The following POLN variants were observed in gnomAD, a reference collection of about 807,000 sequenced individuals.
POLN encodes the protein DNA polymerase N.
Under a neutral mutation model 113.5 loss-of-function variants are expected in POLN, and 108 were observed. The observed-to-expected ratio is 0.95, with a 90% CI of 0.81 to 1.12. The LOEUF (loss-of-function observed/expected upper bound fraction) is 1.12. Among genes scored for constraint, POLN ranks in the 50% most tolerant of loss-of-function variants. The pLI is 0.00. For synonymous variants in POLN, 386 were observed against 391.5 expected (o/e 0.99, Z 0.17); for missense variants, 1,097 against 1,077.1 (o/e 1.02, Z -0.26).
intron 2 of POLN, among the ~76,000 whole-genome samples, chr4:2,233,679 C>T (rs769416272): frequency 7.2e-5 from 11 of 152,060 alleles, no homozygotes; most frequent in Admixed American, 5.9e-4. Flanking sequence ...TTAACATATG[C>T]CCAAGAGTGG....
At chr4:2,087,494 G>C (rs1730576261) in intron 20 of POLN, among the ~76,000 whole-genome samples, 1 of 152,170 alleles carries the variant, frequency 6.6e-6, no homozygotes, top group Admixed American at 6.5e-5. Context: ...CCAATCTGCT[G>C]TTAAGCCCAT....
chr4:2,091,883 C>T (rs1196250738), intron 20 of POLN, among the ~76,000 whole-genome samples: 1 of 152,188 alleles, frequency 6.6e-6, no homozygotes, highest in Non-Finnish European at 1.5e-5. Flanking sequence ...CTGCCCCACA[C>T]ATATTGCTAA....
In POLN at chr4:2,075,501, A is replaced by G; in HGVS notation, c.2406T>C (p.His802=). 6.2e-7 allele frequency: 1 copy of G among 1,613,426 alleles called. No homozygotes were observed. Among genetic ancestry groups the G allele is most frequent in the Non-Finnish European group, 8.5e-7 (1 of 1,180,002 alleles). The change falls in exon 24 of 26, where the codon CAT becomes CAC. Residue 802 remains histidine (H), a synonymous_variant. Coordinates refer to ENST00000511885, the MANE Select transcript of POLN (RefSeq NM_181808.4). ...TLTARLVAQI[H]DELLFEVEDP... ...CTTCCACTTCAAACAGCAGCTCATC[A>G]TGGATCTGGGCCACCAGCCTGGCAG...
intron 19 of POLN, among the ~76,000 whole-genome samples, chr4:2,121,118 G>A (rs955450873): frequency 6.6e-6 from 1 of 152,032 alleles, no homozygotes; most frequent in Non-Finnish European, 1.5e-5. Flanking sequence ...ATCTTAGGGG[G>A]AAGGCATTCT....
intron 2 of POLN, among the ~76,000 whole-genome samples, chr4:2,233,039 C>T (rs1315503815): frequency 3.3e-5 from 5 of 152,094 alleles, no homozygotes; most frequent in African/African-American, 4.8e-5. Flanking sequence ...CGTTTTGATA[C>T]GCTCCCTGAT....
At chr4:2,140,871 C>CT (rs780230484) in intron 16 of POLN, 1 of 152,340 alleles carries the variant, frequency 6.6e-6, no homozygotes, top group Non-Finnish European at 1.5e-5. Context: ...CACCCCCCTC[C>CT]TTTAAGCCAA....
intron 10 of POLN, 76 bp from the exon 11 acceptor site, chr4:2,174,095 C>A: frequency 7.2e-7 from 1 of 1,380,382 alleles, no homozygotes. Context: ...TGCTTCGCTC[C>A]CTGATGAGGA....
In POLN at chr4:2,157,849, G is replaced by T. The variant is rs1228011631; in HGVS notation, c.1665+9C>A. 6.3e-7 allele frequency: 1 copy of T among 1,593,768 alleles called. No individual in the cohort carries two copies. The highest frequency in any genetic ancestry group is 2.2e-5 in the East Asian group (1 of 44,540). ...CCTAATCACAGTATCTTTTTGTAAA[G>T]CTTGTTACCTTTTTCATGCAAGCTA... On this transcript the variant is annotated intron_variant, in intron 15 of 25. Transcript: ENST00000511885.
At chr4:2,228,974 T>C (rs1430070526) in intron 3 of POLN, 125 bp downstream of exon 3, 3 of 880,920 alleles carry the variant, frequency 3.4e-6, no homozygotes, top group African/African-American at 3.5e-5. Flanking sequence ...CTGCACTGAA[T>C]GAGTGTAAAA....
chr4:2,207,474 T>G (rs908206024), intron 5 of POLN, among the ~76,000 whole-genome samples: 17 of 151,946 alleles, frequency 1.1e-4, no homozygotes, highest in African/African-American at 3.9e-4. Flanking sequence ...TGACAGAAAT[T>G]GGGAGACGTA....
chr4:2,203,614 A>G (rs1393900701), intron 5 of POLN, among the ~76,000 whole-genome samples: 2 of 151,794 alleles, frequency 1.3e-5, no homozygotes, highest in African/African-American at 4.8e-5. Flanking sequence ...CTGAACAACA[A>G]TAGTGACACA....
At chr4:2,114,161 A>C (rs886180944) in intron 19 of POLN, among the ~76,000 whole-genome samples, 2 of 152,112 alleles carry the variant, frequency 1.3e-5, no homozygotes, top group Admixed American at 1.3e-4. Context: ...AGCCTCTGAA[A>C]GTGCTGGGAT....
At chr4:2,081,825 G>T in intron 21 of POLN, 82 bp from the exon 22 acceptor site, 1 of 1,177,604 alleles carries the variant, frequency 8.5e-7, no homozygotes, top group Non-Finnish European at 1.3e-6. Flanking sequence ...AGGTCCAGAG[G>T]CCACAGAGGG....
intron 7 of POLN, among the ~76,000 whole-genome samples, chr4:2,186,594 T>C (rs752990268): frequency 6.6e-6 from 1 of 152,134 alleles, no homozygotes; most frequent in Non-Finnish European, 1.5e-5. Context: ...CAAAAAGATA[T>C]TTAACAGGTA....
intron 19 of POLN, among the ~76,000 whole-genome samples, chr4:2,110,392 A>G (rs1424178236): frequency 6.6e-6 from 1 of 152,210 alleles, no homozygotes; most frequent in Non-Finnish European, 1.5e-5. Context: ...CTAAGATCAG[A>G]GCAGAACTGA....
chr4:2,213,317 A>G (rs1286537719), intron 3 of POLN, among the ~76,000 whole-genome samples, 191 bp from the exon 4 acceptor site: 1 of 152,236 alleles, frequency 6.6e-6, no homozygotes, highest in Non-Finnish European at 1.5e-5. Flanking sequence ...TATGTAAAGT[A>G]CCTTCAAGTT....
At chr4:2,087,267 A>G (rs1007919880) in intron 20 of POLN, among the ~76,000 whole-genome samples, 6 of 152,358 alleles carry the variant, frequency 3.9e-5, no homozygotes, top group South Asian at 2.1e-4. Flanking sequence ...ATTCACAAAT[A>G]AGTTATGTGT....
At chr4:2,081,065 T>A (rs1463566048) in intron 22 of POLN, 29 bp from the exon 23 acceptor site, 4 of 1,613,090 alleles carry the variant, frequency 2.5e-6, no homozygotes, top group Non-Finnish European at 3.4e-6. Context: ...TGTCTTGAGG[T>A]CCCATGGCAC....
At chr4:2,155,483 CTGAG>C (rs1287615729) in intron 16 of POLN, among the ~76,000 whole-genome samples, 1 of 152,192 alleles carries the variant, frequency 6.6e-6, no homozygotes, top group Non-Finnish European at 1.5e-5. Flanking sequence ...ACACAGTCAC[CTGAG>C]TGTGTCCCTC....
Sources: gnomAD v4.1 joint callset for allele counts (sites outside exome capture counted in the v4.1 genomes callset) on GRCh38, gnomAD v4.1.1 for gene constraint, MANE v1.5 for transcripts, NCBI Gene and HGNC (gene_info 2026-07-23, HGNC 2026-07-21) for gene names.